The following UST variants were observed in gnomAD, a reference collection of about 807,000 sequenced individuals.
UST encodes the protein chondroitin sulfate 2-O-sulfotransferase.
In UST, 21 loss-of-function variants were observed where a neutral mutation model predicts 45.6. The observed-to-expected ratio is 0.46, with a 90% CI of 0.33 to 0.66. UST has a LOEUF of 0.66. UST is among the 30% of genes least tolerant of loss of function. The pLI is 0.02. For missense variants in UST, 463 were observed against 512.4 expected (o/e 0.90, Z 0.93); for synonymous variants, 215 against 200.6 (o/e 1.07, Z -0.61).
At chr6:148,967,619 C>T (rs1415055197) in intron 5 of UST, among the ~76,000 whole-genome samples, 1 of 152,196 alleles carries the variant, frequency 6.6e-6, no homozygotes, top group African/African-American at 2.4e-5. Context: ...GTTTGTGTCT[C>T]AGCGGGGCGC....
intron 1 of UST, among the ~76,000 whole-genome samples, chr6:148,793,141 G>T (rs1040258378): frequency 1.6e-4 from 24 of 152,102 alleles, no homozygotes; most frequent in African/African-American, 5.1e-4. Flanking sequence ...TATAGTGATG[G>T]GGAATGATCC....
At chr6:148,759,603 C>G (rs1424668164) in intron 1 of UST, among the ~76,000 whole-genome samples, 1 of 151,718 alleles carries the variant, frequency 6.6e-6, no homozygotes, top group Non-Finnish European at 1.5e-5. Flanking sequence ...AATCCCAGCT[C>G]CCTGGGAGGC....
intron 7 of UST, among the ~76,000 whole-genome samples, chr6:149,042,574 T>G (rs989297966): frequency 6.6e-6 from 1 of 152,198 alleles, no homozygotes; most frequent in Non-Finnish European, 1.5e-5. Flanking sequence ...GTCACTCCAC[T>G]TCAAAGGAAG....
At chr6:148,854,993 GGT>G (rs1053776297) in intron 1 of UST, among the ~76,000 whole-genome samples, 8 of 152,098 alleles carry the variant, frequency 5.3e-5, no homozygotes, top group Non-Finnish European at 1.2e-4. Flanking sequence ...TCACAATTAT[GGT>G]GGAAGGCAAG....
intron 2 of UST, among the ~76,000 whole-genome samples, chr6:148,892,470 T>C (rs1285496306): frequency 6.6e-6 from 1 of 152,242 alleles, no homozygotes; most frequent in Admixed American, 6.5e-5. Context: ...TGGAGGGTGA[T>C]GCAATAGTGA....
intron 1 of UST, among the ~76,000 whole-genome samples, chr6:148,771,066 A>G (rs1010459391): frequency 3.3e-5 from 5 of 152,190 alleles, no homozygotes; most frequent in African/African-American, 9.7e-5. Context: ...ATAGCCTTCT[A>G]CAAGCTGATG....
At chr6:148,986,390 A>C (rs1022492490) in intron 5 of UST, among the ~76,000 whole-genome samples, 1 of 152,226 alleles carries the variant, frequency 6.6e-6, no homozygotes, top group Non-Finnish European at 1.5e-5. Flanking sequence ...ACCACTAGTA[A>C]GTAATAGAGC....
chr6:149,008,085 G>T (rs17081251), intron 5 of UST, among the ~76,000 whole-genome samples: 1,841 of 152,226 alleles, frequency 0.012, 46 homozygotes, highest in African/African-American at 0.041. Context: ...TGTGCAGTCC[G>T]TGAGCTAACT....
intron 1 of UST, among the ~76,000 whole-genome samples, chr6:148,792,563 T>C (rs1322131753): frequency 6.6e-6 from 1 of 152,240 alleles, no homozygotes; most frequent in African/African-American, 2.4e-5. Flanking sequence ...TGCTGTCAGC[T>C]TGTGGCTCAA....
intron 5 of UST, among the ~76,000 whole-genome samples, chr6:148,985,996 T>C (rs1042148908): frequency 1.3e-5 from 2 of 152,106 alleles, no homozygotes; most frequent in Admixed American, 6.5e-5. Flanking sequence ...GGAAGGACTA[T>C]TGGGTAAGGA....
intron 1 of UST, among the ~76,000 whole-genome samples, chr6:148,763,316 A>C (rs1326469956): frequency 6.6e-6 from 1 of 152,092 alleles, no homozygotes; most frequent in Non-Finnish European, 1.5e-5. Flanking sequence ...CTTTTGAAAA[A>C]TGTCTGTTCA....
At chr6:148,910,468 T>G (rs2086614) in intron 2 of UST, among the ~76,000 whole-genome samples, 19,641 of 152,082 alleles carry the variant, frequency 0.13, 1,853 homozygotes, top group East Asian at 0.53. Context: ...CTTTCCTTCC[T>G]TCAGAACCCT....
chr6:148,976,531 A>C (rs1225345518), intron 5 of UST, among the ~76,000 whole-genome samples: 1 of 152,146 alleles, frequency 6.6e-6, no homozygotes, highest in African/African-American at 2.4e-5. Flanking sequence ...TGCATCATTC[A>C]ATTCCTCCGC....
chr6:148,805,805 T>C (rs4897053), intron 1 of UST, among the ~76,000 whole-genome samples: 30,587 of 152,142 alleles, frequency 0.2, 3,551 homozygotes, highest in African/African-American at 0.32. Context: ...ACACCCAGAT[T>C]ATGAAGGAGG....
intron 1 of UST, among the ~76,000 whole-genome samples, chr6:148,852,644 A>G (rs1778128804): frequency 6.6e-6 from 1 of 152,178 alleles, no homozygotes; most frequent in Admixed American, 6.5e-5. Flanking sequence ...TGAACTGTTC[A>G]CTTGGCCTGG....
intron 1 of UST, among the ~76,000 whole-genome samples, chr6:148,862,845 TAGA>T (rs1367015200): frequency 6.6e-6 from 1 of 152,246 alleles, no homozygotes; most frequent in Non-Finnish European, 1.5e-5. Context: ...TTCTGGCTTG[TAGA>T]GTTTCTGCCA....
chr6:148,808,991 C>T (rs1006835231), intron 1 of UST, among the ~76,000 whole-genome samples: 3 of 152,206 alleles, frequency 2.0e-5, no homozygotes, highest in African/African-American at 7.2e-5. Flanking sequence ...GTGTAAGCCA[C>T]CCGGTCTATG....
intron 1 of UST, among the ~76,000 whole-genome samples, chr6:148,821,528 A>G (rs779054978): frequency 2.6e-5 from 4 of 152,248 alleles, no homozygotes; most frequent in Admixed American, 6.5e-5. Flanking sequence ...TGATAAATTC[A>G]AGTAACAAGT....
At position 149,029,462 on chromosome 6, in the gene UST, A is replaced by G. The variant is rs1222817212; in HGVS notation, c.937+7981A>G. 2.8e-5 allele frequency among the ~76,000 whole-genome samples: 4 copies of G among 145,380 alleles called. No homozygotes were observed. In the Admixed American group the frequency reaches 2.8e-4, roughly 10 times the overall value. On this transcript the variant is annotated intron_variant, in intron 7 of 7. Coordinates refer to ENST00000367463, the MANE Select transcript of UST (RefSeq NM_005715.3). ...TTATATTATATTATATATACATTAT[A>G]TATTATATATATAATGTATATATAA... is the stretch of plus-strand genomic sequence containing the variant.
Sources: allele counts gnomAD v4.1 joint callset (sites outside exome capture counted in the v4.1 genomes callset), GRCh38; gene constraint gnomAD v4.1.1; transcripts MANE v1.5; gene names NCBI Gene and HGNC (gene_info 2026-07-23, HGNC 2026-07-21).